Variants in SLC9A9 observed in about 807,000 individuals in gnomAD.
SLC9A9 encodes solute carrier family 9 member A9.
Under a neutral mutation model 77.8 loss-of-function variants are expected in SLC9A9, and 62 were observed. The observed-to-expected ratio is 0.80, with a 90% confidence interval of 0.65 to 0.98. SLC9A9 has a LOEUF of 0.98. SLC9A9 is among the 50% of genes least tolerant of loss of function. SLC9A9 has a pLI of 0.00. For synonymous variants in SLC9A9, 320 were observed against 283.5 expected (o/e 1.13, Z -1.29); for missense variants, 775 against 774.9 (o/e 1.00, Z 0.00).
At chr3:143,704,974 A>T (rs1933918931) in intron 4 of SLC9A9, among the ~76,000 whole-genome samples, 2 of 129,046 alleles carry the variant, frequency 1.5e-5, no homozygotes, top group South Asian at 5.0e-4. Context: ...CCTGGGCAAG[A>T]AGAGTGAAAC....
At chr3:143,698,935 C>A (rs1244053804) in intron 4 of SLC9A9, among the ~76,000 whole-genome samples, 1 of 152,180 alleles carries the variant, frequency 6.6e-6, no homozygotes, top group East Asian at 1.9e-4. Flanking sequence ...GTGCTGGAAG[C>A]AACATGAAAG....
intron 8 of SLC9A9, among the ~76,000 whole-genome samples, chr3:143,552,713 G>A (rs73146783): frequency 0.026 from 3,907 of 152,210 alleles, 80 homozygotes; most frequent in Non-Finnish European, 0.042. Context: ...GGAGATAAAC[G>A]GGTCCCTGTT....
chr3:143,807,360 A>G (rs1206120956), intron 2 of SLC9A9, among the ~76,000 whole-genome samples: 1 of 152,256 alleles, frequency 6.6e-6, no homozygotes, highest in Non-Finnish European at 1.5e-5. Flanking sequence ...CAGATTTCTG[A>G]ATGAGCCAGT....
In SLC9A9 at chr3:143,266,172, C is replaced by T. The variant is rs1937707139; in HGVS notation, c.*530G>A. On this transcript the variant is annotated 3_prime_UTR_variant, in exon 16 of 16. Transcript: ENST00000316549. ...AACCATCAGCAGTGGGTACGGAACACTTCTCTGGGCTCTGCCCTGGGGTCA... is the reference window on the plus strand; with the variant it reads ...AACCATCAGCAGTGGGTACGGAACATTTCTCTGGGCTCTGCCCTGGGGTCA... 1.4e-6 allele frequency: 1 copy of T among 698,734 alleles called. No individual in the cohort carries two copies. Among genetic ancestry groups the T allele is most frequent in the Non-Finnish European group, 2.6e-6 (1 of 383,312 alleles). The allele number at this position is 698,734 out of a possible 1,614,324, so 43.3% of individuals were successfully genotyped here. A position where few individuals can be genotyped will look rare whatever the true frequency, so the allele number is the denominator to read the frequency against.
At chr3:143,382,208 A>C in intron 12 of SLC9A9, 94 bp from the exon 13 acceptor site, 1 of 1,315,690 alleles carries the variant, frequency 7.6e-7, no homozygotes, top group Admixed American at 1.7e-5. Flanking sequence ...CACAATGTGA[A>C]TCTGAGAAAA....
intron 1 of SLC9A9, among the ~76,000 whole-genome samples, chr3:143,837,775 T>A (rs2009606179): frequency 6.6e-6 from 1 of 152,092 alleles, no homozygotes; most frequent in South Asian, 2.1e-4. Flanking sequence ...GTGAAGGGAA[T>A]TTGCTAGGGA....
chr3:143,587,575 C>A (rs967138086), intron 6 of SLC9A9, among the ~76,000 whole-genome samples: 1 of 132,816 alleles, frequency 7.5e-6, no homozygotes, highest in Non-Finnish European at 1.6e-5. Flanking sequence ...AGGCTGGAGT[C>A]AGGCTGGAGC....
intron 14 of SLC9A9, among the ~76,000 whole-genome samples, chr3:143,269,944 A>G (rs565332267): frequency 1.3e-5 from 2 of 152,350 alleles, no homozygotes; most frequent in South Asian, 4.1e-4. Flanking sequence ...GATAATTCAC[A>G]TGCCATTCTC....
At chr3:143,693,417 T>C in intron 4 of SLC9A9, 110 bp from the exon 5 acceptor site, 1 of 874,574 alleles carries the variant, frequency 1.1e-6, no homozygotes, top group Non-Finnish European at 1.9e-6. Context: ...CATGCACAAA[T>C]TGCCACCATC....
At chr3:143,809,659 G>A (rs1482595909) in intron 2 of SLC9A9, among the ~76,000 whole-genome samples, 1 of 152,236 alleles carries the variant, frequency 6.6e-6, no homozygotes, top group Non-Finnish European at 1.5e-5. Context: ...AGGGATGGGT[G>A]AGAAGAGCAG....
At chr3:143,431,610 G>A (rs961959311) in intron 12 of SLC9A9, among the ~76,000 whole-genome samples, 2 of 151,766 alleles carry the variant, frequency 1.3e-5, no homozygotes, top group Non-Finnish European at 2.9e-5. Context: ...AGCCTCCTGA[G>A]TGGCTGGACT....
chr3:143,745,392 A>G (rs918573703), intron 4 of SLC9A9, among the ~76,000 whole-genome samples: 1 of 152,224 alleles, frequency 6.6e-6, no homozygotes, highest in African/African-American at 2.4e-5. Flanking sequence ...CCACAATTTT[A>G]TCTCTTGGGC....
intron 4 of SLC9A9, among the ~76,000 whole-genome samples, chr3:143,724,922 G>A (rs545933993): frequency 6.6e-6 from 1 of 152,170 alleles, no homozygotes; most frequent in South Asian, 2.1e-4. Flanking sequence ...AAATCCTCAT[G>A]ATACAGCCAT....
At chr3:143,447,270 T>C (rs1241234849) in intron 12 of SLC9A9, among the ~76,000 whole-genome samples, 1 of 152,190 alleles carries the variant, frequency 6.6e-6, no homozygotes, top group African/African-American at 2.4e-5. Flanking sequence ...GACTGAGAAT[T>C]TGGCTCAGTG....
chr3:143,661,658 C>T (rs1364730391), intron 5 of SLC9A9, among the ~76,000 whole-genome samples: 1 of 152,178 alleles, frequency 6.6e-6, no homozygotes, highest in Non-Finnish European at 1.5e-5. Context: ...GTAATTTCAT[C>T]AACATCTGGT....
At chr3:143,589,438 A>T (rs998741021) in intron 6 of SLC9A9, among the ~76,000 whole-genome samples, 2 of 152,148 alleles carry the variant, frequency 1.3e-5, no homozygotes, top group Non-Finnish European at 1.5e-5. Context: ...ACAATACGGT[A>T]TTTTTTTAAT....
intron 5 of SLC9A9, among the ~76,000 whole-genome samples, chr3:143,692,907 A>T (rs887565438): frequency 6.6e-6 from 1 of 152,214 alleles, no homozygotes. Flanking sequence ...CTTGGGCTGC[A>T]TGCAGCCCAT....
chr3:143,637,050 C>T (rs9829661), intron 6 of SLC9A9, among the ~76,000 whole-genome samples: 18,855 of 152,126 alleles, frequency 0.12, 2,052 homozygotes, highest in African/African-American at 0.3. Flanking sequence ...TGAGAAGGAA[C>T]CAACCAATTC....
At chr3:143,786,329 A>G (rs749800568) in intron 4 of SLC9A9, among the ~76,000 whole-genome samples, 1 of 152,152 alleles carries the variant, frequency 6.6e-6, no homozygotes, top group Non-Finnish European at 1.5e-5. Context: ...AATCTTACAT[A>G]TCATTTTTCA....
Sources: gnomAD v4.1 joint callset for allele counts (sites outside exome capture counted in the v4.1 genomes callset) on GRCh38, gnomAD v4.1.1 for gene constraint, MANE v1.5 for transcripts, NCBI Gene and HGNC (gene_info 2026-07-23, HGNC 2026-07-21) for gene names.